Variants in TBC1D1 observed in about 807,000 individuals in gnomAD.
The protein encoded by TBC1D1 is TBC1 (tre-2/USP6, BUB2, cdc16) domain family, member 1.
A neutral mutation model predicts 125.6 loss-of-function variants in TBC1D1; 89 were observed. The observed-to-expected ratio is 0.71, with a 90% CI of 0.60 to 0.85. The LOEUF is 0.85. Among genes scored for constraint, TBC1D1 ranks in the 40% least tolerant of loss-of-function variants. The probability of loss-of-function intolerance (pLI) is 0.00; values close to 1 mark genes in which losing one functional copy is unlikely to be tolerated. For synonymous variants in TBC1D1, 565 were observed against 564.1 expected, an observed-to-expected ratio of 1.00 and a Z score of -0.02; for missense variants, 1,377 against 1,469.2, an observed-to-expected ratio of 0.94 and a Z score of 1.03.
At chr4:37,948,180 T>C (rs991125624) in intron 2 of TBC1D1, among the ~76,000 whole-genome samples, 2 of 152,072 alleles carry the variant, frequency 1.3e-5, no homozygotes, top group Non-Finnish European at 2.9e-5. Flanking sequence ...AAGAAGATTA[T>C]AAGAGGCACC....
rs201360674 is a variant in TBC1D1 at position 37,924,160 on chromosome 4, G to GT, written c.417+21649dup. Among the ~76,000 whole-genome samples, 1,021 of 152,076 alleles carry GT rather than the reference G, an allele frequency of 6.7e-3. 11 individuals are homozygous for GT. Among genetic ancestry groups the GT allele is most frequent in the African/African-American group, 0.022 (929 of 41,484 alleles). The stretch of plus-strand genomic sequence containing the variant: ...AGGCTCAAGCCCTGCGCTCTAACTG[G>GT]TGTCACTGCCATATACCAGCCCTCT... On this transcript the variant is annotated intron_variant, in intron 2 of 19. Coordinates refer to ENST00000261439, the MANE Select transcript of TBC1D1 (RefSeq NM_015173.4).
At chr4:38,029,653 C>T (rs1190077803) in intron 7 of TBC1D1, among the ~76,000 whole-genome samples, 1 of 152,196 alleles carries the variant, frequency 6.6e-6, no homozygotes. Flanking sequence ...AGCTGTGAGC[C>T]ACCACGCCTG....
chr4:38,102,170 C>A (rs551925057), intron 14 of TBC1D1, among the ~76,000 whole-genome samples: 156 of 151,694 alleles, frequency 1.0e-3, no homozygotes, highest in African/African-American at 3.6e-3. Context: ...GTGCAGCACA[C>A]CAACATGGCA....
At chr4:38,130,197 A>G (rs1164164727) in intron 18 of TBC1D1, among the ~76,000 whole-genome samples, 1 of 152,242 alleles carries the variant, frequency 6.6e-6, no homozygotes, top group African/African-American at 2.4e-5. Context: ...AGCGACATGA[A>G]AAAGCTCTTA....
chr4:38,069,329 G>A (rs187046743), intron 12 of TBC1D1, among the ~76,000 whole-genome samples: 95 of 152,320 alleles, frequency 6.2e-4, no homozygotes, highest in African/African-American at 2.2e-3. Context: ...GTGAGAGGAA[G>A]TTGTTTTCAG....
rs1156241601 is a variant in TBC1D1, at chr4:38,028,874, C to CT, written c.1302+1004dup. On this transcript the variant is annotated intron_variant, in intron 7 of 19. Coordinates refer to ENST00000261439, the MANE Select transcript of TBC1D1 (RefSeq NM_015173.4). ...CAGAATTCCTTCTTTCCCCCAACAC[C>CT]TTTTTTTTTCATTTTTGAAAATAAA... Among the ~76,000 whole-genome samples the CT allele has an allele frequency of 9.8e-3, 1,482 of 151,380 alleles. 24 individuals carry two copies. Among genetic ancestry groups the CT allele is most frequent in the African/African-American group, 0.034 (1,384 of 41,220 alleles).
chr4:37,896,092 G>C (rs530765752), intron 1 of TBC1D1, among the ~76,000 whole-genome samples: 2 of 152,326 alleles, frequency 1.3e-5, no homozygotes, highest in African/African-American at 4.8e-5. Context: ...AGCAATATGA[G>C]TAGCTGCCTG....
At chr4:37,914,881 G>A (rs561984711) in intron 2 of TBC1D1, among the ~76,000 whole-genome samples, 7 of 152,232 alleles carry the variant, frequency 4.6e-5, no homozygotes, top group East Asian at 3.9e-4. Context: ...CTCAAACCTC[G>A]CCCTCTGGCC....
At chr4:38,079,335 T>TA (rs35390825) in intron 12 of TBC1D1, among the ~76,000 whole-genome samples, 19,955 of 152,228 alleles carry the variant, frequency 0.13, 1,825 homozygotes, top group East Asian at 0.42. Flanking sequence ...AGCGGCCCCT[T>TA]AATACATTCT....
At chr4:38,040,973 G>A (rs1489309323) in intron 8 of TBC1D1, among the ~76,000 whole-genome samples, 1 of 152,154 alleles carries the variant, frequency 6.6e-6, no homozygotes, top group Non-Finnish European at 1.5e-5. Flanking sequence ...TCCAGGGTAC[G>A]CTCTATAGTG....
chr4:37,989,421 A>G (rs1736101913), intron 2 of TBC1D1, among the ~76,000 whole-genome samples: 2 of 152,232 alleles, frequency 1.3e-5, no homozygotes, highest in East Asian at 1.9e-4. Flanking sequence ...ACATATATTG[A>G]TTGATGTCTT....
At chr4:38,053,632 G>T (rs1751137345) in intron 11 of TBC1D1, among the ~76,000 whole-genome samples, 1 of 152,216 alleles carries the variant, frequency 6.6e-6, no homozygotes, top group African/African-American at 2.4e-5. Context: ...GTGAATAGGA[G>T]AAAACATTTA....
chr4:38,130,242 A>G (rs1765367365), intron 18 of TBC1D1, among the ~76,000 whole-genome samples: 2 of 152,262 alleles, frequency 1.3e-5, no homozygotes, highest in Admixed American at 6.5e-5. Flanking sequence ...AAAGTGGGAT[A>G]GGAAATTTTA....
intron 18 of TBC1D1, among the ~76,000 whole-genome samples, chr4:38,132,147 T>G (rs910488343): frequency 3.9e-5 from 6 of 151,954 alleles, no homozygotes; most frequent in African/African-American, 1.4e-4. Context: ...TTTTAAAGCC[T>G]GACTTCACTT....
At chr4:37,895,780 C>T (rs1360601800) in intron 1 of TBC1D1, among the ~76,000 whole-genome samples, 3 of 152,144 alleles carry the variant, frequency 2.0e-5, no homozygotes, top group African/African-American at 7.2e-5. Context: ...TAGAAAGGCA[C>T]ACCCCAGTAC....
intron 2 of TBC1D1, among the ~76,000 whole-genome samples, chr4:37,916,898 G>A (rs1719848470): frequency 1.3e-5 from 2 of 152,076 alleles, no homozygotes; most frequent in Admixed American, 6.5e-5. Flanking sequence ...CGCCTCTTGA[G>A]TAGCTGGGAT....
intron 2 of TBC1D1, among the ~76,000 whole-genome samples, chr4:37,953,210 T>C (rs1728246938): frequency 6.6e-6 from 1 of 152,226 alleles, no homozygotes; most frequent in African/African-American, 2.4e-5. Context: ...ATATTACTAA[T>C]TAATGGAATA....
intron 15 of TBC1D1, among the ~76,000 whole-genome samples, chr4:38,112,283 G>A (rs553928247): frequency 6.6e-6 from 1 of 152,226 alleles, no homozygotes; most frequent in African/African-American, 2.4e-5. Flanking sequence ...GTCAGAAAGC[G>A]AGATTTCCCA....
chr4:38,018,197 A>G (rs2152432333), intron 3 of TBC1D1, among the ~76,000 whole-genome samples, 157 bp from the exon 4 acceptor site: 1 of 152,352 alleles, frequency 6.6e-6, no homozygotes, highest in Non-Finnish European at 1.5e-5. Context: ...GATGTGTCTT[A>G]TGACCTGAAA....
Sources: gnomAD v4.1 joint callset for allele counts (sites outside exome capture counted in the v4.1 genomes callset) on GRCh38, gnomAD v4.1.1 for gene constraint, MANE v1.5 for transcripts, NCBI Gene and HGNC (gene_info 2026-07-23, HGNC 2026-07-21) for gene names.